The following KHDRBS3 variants were observed in gnomAD, a reference collection of about 807,000 sequenced individuals.
The protein encoded by KHDRBS3 is KH domain-containing, RNA-binding, signal transduction-associated protein 3.
KHDRBS3 carries 23 observed loss-of-function variants against 45.6 expected under a neutral mutation model. The ratio of observed to expected loss-of-function variants is 0.50; its 90% CI spans 0.36 to 0.72. The LOEUF is 0.72. Ranked by LOEUF, KHDRBS3 falls within the 30% of genes least tolerant of loss-of-function variation. The probability of loss-of-function intolerance (pLI) is 0.00; values close to 1 mark genes in which losing one functional copy is unlikely to be tolerated. For missense variants in KHDRBS3, 352 were observed against 424.8 expected, an observed-to-expected ratio of 0.83 and a Z score of 1.51; for synonymous variants, 162 against 156.5, an observed-to-expected ratio of 1.04 and a Z score of -0.26.
chr8:135,548,925 T>C (rs757732538), intron 4 of KHDRBS3, 25 bp downstream of exon 4: 2 of 1,508,118 alleles, frequency 1.3e-6, no homozygotes, highest in South Asian at 2.6e-5. Flanking sequence ...TCTTGATAGT[T>C]AACTTGTACT....
At chr8:135,556,066 C>T (rs913071766) in intron 4 of KHDRBS3, among the ~76,000 whole-genome samples, 1 of 152,122 alleles carries the variant, frequency 6.6e-6, no homozygotes, top group Non-Finnish European at 1.5e-5. Flanking sequence ...GACATGAACC[C>T]ATCCTTTTTT....
intron 2 of KHDRBS3, among the ~76,000 whole-genome samples, chr8:135,531,946 G>A (rs1459197804): frequency 1.3e-5 from 2 of 152,146 alleles, no homozygotes; most frequent in African/African-American, 4.8e-5. Context: ...ACACAAGTTT[G>A]GAATGACTTA....
chr8:135,621,229 A>G (rs192360357), intron 7 of KHDRBS3, among the ~76,000 whole-genome samples: 1 of 152,276 alleles, frequency 6.6e-6, no homozygotes, highest in East Asian at 1.9e-4. Flanking sequence ...TTTAAACTCT[A>G]CAGATAATTC....
chr8:135,457,970 T>G lies in KHDRBS3; in HGVS notation c.88+16T>G. On this transcript the variant is annotated intron_variant, in intron 1 of 8. Transcript: ENST00000355849. The surrounding 1 kb of genome is among the most constrained non-coding windows in gnomAD (Gnocchi z 4.4). The stretch of plus-strand genomic sequence containing the variant: ...GTGAACCAAGGTGAGGCGCCGGCCG[T>G]TAACTGCCGGCCGGCGGCGGTTGGG... 6.3e-7 allele frequency: 1 copy of G among 1,578,510 alleles called. No homozygotes were observed. Among genetic ancestry groups the G allele is most frequent in the Non-Finnish European group, 8.6e-7 (1 of 1,163,370 alleles).
At chr8:135,545,729 C>T (rs1416044056) in intron 3 of KHDRBS3, among the ~76,000 whole-genome samples, 2 of 152,216 alleles carry the variant, frequency 1.3e-5, no homozygotes, top group Non-Finnish European at 2.9e-5. Context: ...CTCCTCTCCC[C>T]ATTTTTGTCC....
chr8:135,628,653 G>A (rs1830472693), intron 7 of KHDRBS3, among the ~76,000 whole-genome samples: 1 of 152,138 alleles, frequency 6.6e-6, no homozygotes, highest in African/African-American at 2.4e-5. Context: ...GTCTCCACAT[G>A]CCCATCATCT....
At chr8:135,609,564 G>A (rs1346945651) in intron 7 of KHDRBS3, among the ~76,000 whole-genome samples, 2 of 151,806 alleles carry the variant, frequency 1.3e-5, no homozygotes, top group Admixed American at 6.6e-5. Flanking sequence ...AAAAGAGCTG[G>A]GATTACAGGT....
intron 6 of KHDRBS3, among the ~76,000 whole-genome samples, chr8:135,583,992 A>G (rs944452994): frequency 4.6e-5 from 7 of 152,214 alleles, no homozygotes; most frequent in Non-Finnish European, 8.8e-5. Flanking sequence ...ATTGAGAAGT[A>G]TTCTGTAGGA....
At chr8:135,478,694 A>G (rs1383801757) in intron 1 of KHDRBS3, among the ~76,000 whole-genome samples, 1 of 152,216 alleles carries the variant, frequency 6.6e-6, no homozygotes, top group Non-Finnish European at 1.5e-5. Context: ...AAATTCAAAA[A>G]TATGTGGAAA....
At chr8:135,620,764 C>T (rs558286807) in intron 7 of KHDRBS3, among the ~76,000 whole-genome samples, 1 of 152,260 alleles carries the variant, frequency 6.6e-6, no homozygotes, top group African/African-American at 2.4e-5. Context: ...TTCTCCTCAC[C>T]TCACATCCCA....
chr8:135,474,496 A>G (rs1453451028), intron 1 of KHDRBS3, among the ~76,000 whole-genome samples: 1 of 152,174 alleles, frequency 6.6e-6, no homozygotes, highest in Non-Finnish European at 1.5e-5. Flanking sequence ...GTTATCTCTT[A>G]TTTAACACCA....
At chr8:135,483,502 C>A (rs1418166031) in intron 1 of KHDRBS3, among the ~76,000 whole-genome samples, 1 of 152,152 alleles carries the variant, frequency 6.6e-6, no homozygotes, top group Admixed American at 6.5e-5. Context: ...CCTTCGGAAT[C>A]TGAAGCTAAT....
At chr8:135,471,535 T>C (rs1314224887) in intron 1 of KHDRBS3, among the ~76,000 whole-genome samples, 1 of 152,082 alleles carries the variant, frequency 6.6e-6, no homozygotes, top group Non-Finnish European at 1.5e-5. Context: ...AAGACATTTA[T>C]ATTGTGGGGT....
chr8:135,504,634 T>TTA (rs1178285292), intron 1 of KHDRBS3, among the ~76,000 whole-genome samples: 1 of 152,238 alleles, frequency 6.6e-6, no homozygotes, highest in African/African-American at 2.4e-5. Context: ...TGTTGAATGG[T>TTA]TATATATTCA....
chr8:135,653,249 TAGA>T (rs1263008623), intron 4 of KHDRBS3, among the ~76,000 whole-genome samples: 2 of 152,168 alleles, frequency 1.3e-5, no homozygotes, highest in African/African-American at 4.8e-5. Context: ...TCCTTAAAGA[TAGA>T]AGAACCATGT....
chr8:135,536,234 G>GTTTTTTTTTTT (rs374782370), intron 2 of KHDRBS3, among the ~76,000 whole-genome samples: 17 of 86,412 alleles, frequency 2.0e-4, no homozygotes, highest in East Asian at 5.0e-4. Context: ...TTTCTGTCCA[G>GTTTTTTTTTTT]TTTTTTTTTT....
chr8:135,467,434 T>C (rs1821753126), intron 1 of KHDRBS3, among the ~76,000 whole-genome samples: 1 of 152,264 alleles, frequency 6.6e-6, no homozygotes, highest in Non-Finnish European at 1.5e-5. Context: ...GTTCTGGTTT[T>C]GTCTTTTACA....
intron 7 of KHDRBS3, among the ~76,000 whole-genome samples, chr8:135,627,437 A>G (rs1255029420): frequency 6.6e-6 from 1 of 152,194 alleles, no homozygotes; most frequent in Non-Finnish European, 1.5e-5. Flanking sequence ...TGTCTACTTC[A>G]TCTGCAAAAG....
At chr8:135,553,249 A>C (rs1826703147) in intron 4 of KHDRBS3, among the ~76,000 whole-genome samples, 1 of 152,106 alleles carries the variant, frequency 6.6e-6, no homozygotes, top group Admixed American at 6.6e-5. Flanking sequence ...CTTTTTAATG[A>C]ATAAATATAT....
Sources: allele counts gnomAD v4.1 joint callset (sites outside exome capture counted in the v4.1 genomes callset), GRCh38; gene constraint gnomAD v4.1.1; non-coding constraint Gnocchi (gnomAD v3.1); transcripts MANE v1.5; gene names NCBI Gene and HGNC (gene_info 2026-07-23, HGNC 2026-07-21).